TAFA1: variants seen among roughly 807,000 people sequenced by gnomAD.
TAFA1 encodes TAFA chemokine like family member 1.
A neutral mutation model predicts 18.5 loss-of-function variants in TAFA1; 4 were observed. The observed-to-expected ratio is 0.22, with a 90% CI of 0.11 to 0.49. TAFA1 has a LOEUF of 0.49. Ranked by LOEUF, TAFA1 falls within the 20% of genes least tolerant of loss-of-function variation. TAFA1 has a pLI of 0.98. For synonymous variants in TAFA1, 56 were observed against 55.2 expected (o/e 1.01, Z -0.06); for missense variants, 147 against 169.0 (o/e 0.87, Z 0.72).
chr3:68,193,439 G>A (rs2066373520), intron 2 of TAFA1, among the ~76,000 whole-genome samples: 1 of 151,736 alleles, frequency 6.6e-6, no homozygotes, highest in Non-Finnish European at 1.5e-5. Context: ...AACTGCCTTT[G>A]AAACTTAAAA....
chr3:68,298,009 A>T (rs2068240326), intron 2 of TAFA1, among the ~76,000 whole-genome samples: 1 of 152,204 alleles, frequency 6.6e-6, no homozygotes, highest in Admixed American at 6.5e-5. Context: ...ACACTTCAGA[A>T]GTAATATAAC....
intron 2 of TAFA1, among the ~76,000 whole-genome samples, chr3:68,240,969 G>C (rs1018592166): frequency 6.6e-5 from 10 of 152,106 alleles, no homozygotes; most frequent in Admixed American, 5.2e-4. Context: ...AGAAAGCTTT[G>C]AGATGATAAA....
chr3:68,386,002 G>T (rs2070094461), intron 2 of TAFA1, among the ~76,000 whole-genome samples: 1 of 152,032 alleles, frequency 6.6e-6, no homozygotes, highest in African/African-American at 2.4e-5. Context: ...CCATCCTACA[G>T]TGCTAAAAGT....
At chr3:68,362,135 C>A (rs891825366) in intron 2 of TAFA1, among the ~76,000 whole-genome samples, 10 of 151,914 alleles carry the variant, frequency 6.6e-5, no homozygotes, top group Admixed American at 3.9e-4. Context: ...ATAAACTATA[C>A]CTATGAATTT....
At chr3:68,303,992 C>A (rs1028971946) in intron 2 of TAFA1, among the ~76,000 whole-genome samples, 3 of 152,104 alleles carry the variant, frequency 2.0e-5, no homozygotes, top group Admixed American at 6.5e-5. Context: ...CAAAAGTAGA[C>A]ATTACATTAG....
At chr3:68,468,677 A>T (rs562882658) in intron 3 of TAFA1, among the ~76,000 whole-genome samples, 178 of 152,256 alleles carry the variant, frequency 1.2e-3, no homozygotes, top group African/African-American at 4.1e-3. Context: ...TTATCCATGG[A>T]TTTCAATTAC....
chr3:68,108,466 G>GTGTGTGCA (rs1559523037), intron 2 of TAFA1, among the ~76,000 whole-genome samples: 2 of 10,378 alleles, frequency 1.9e-4, no homozygotes, highest in African/African-American at 2.5e-4. Flanking sequence ...GTGTGTGCAT[G>GTGTGTGCA]TGTGTGTGTG....
rs1411673858 is a variant in TAFA1 at position 68,290,330 on chromosome 3, GT to G, written c.119-126948del. Among the ~76,000 whole-genome samples the G allele has an allele frequency of 5.9e-5, 9 of 152,064 alleles. No individual in the cohort carries two copies. The East Asian group carries it at 1.7e-3, about 29-fold the overall frequency. On this transcript the variant is annotated intron_variant, in intron 2 of 4. Transcript: ENST00000478136. ...AAACTATTATTCAATCTACTACCATGTTAACATGTAAAACACTACCCTTAAA... is the reference window on the plus strand; with the variant it reads ...AAACTATTATTCAATCTACTACCATGTAACATGTAAAACACTACCCTTAAA...
intron 3 of TAFA1, among the ~76,000 whole-genome samples, chr3:68,471,798 G>T (rs2072001903): frequency 2.0e-5 from 3 of 152,148 alleles, no homozygotes; most frequent in Admixed American, 2.0e-4. Flanking sequence ...ATCCTATCAA[G>T]TTGACATTCA....
chr3:68,295,418 A>T lies in TAFA1; in HGVS notation c.119-121862A>T, dbSNP rs201339446. Among the ~76,000 whole-genome samples, 5 of 104,412 alleles carry T rather than the reference A, an allele frequency of 4.8e-5. No individual in the cohort carries two copies. The South Asian group carries it at 1.8e-3, about 38-fold the overall frequency. The allele number at this position is 104,412 out of a possible 152,430, so 68.5% of individuals were successfully genotyped here. A position where few individuals can be genotyped will look rare whatever the true frequency, so the allele number is the denominator to read the frequency against. ...AGTTCTAAGACCTATTTTTTCAGTTAAAAAAAAAAGACTTTTTAAGTCTAT... is the reference window on the plus strand; with the variant it reads ...AGTTCTAAGACCTATTTTTTCAGTTTAAAAAAAAAGACTTTTTAAGTCTAT... On this transcript the variant is annotated intron_variant, in intron 2 of 4. Transcript: ENST00000478136.
At chr3:68,067,300 T>G (rs983856214) in intron 2 of TAFA1, among the ~76,000 whole-genome samples, 4 of 152,202 alleles carry the variant, frequency 2.6e-5, no homozygotes, top group Non-Finnish European at 4.4e-5. Flanking sequence ...CTTCTCCAGG[T>G]TAAACACTCC....
At chr3:68,528,534 G>A (rs1483668346) in intron 3 of TAFA1, among the ~76,000 whole-genome samples, 1 of 152,180 alleles carries the variant, frequency 6.6e-6, no homozygotes, top group African/African-American at 2.4e-5. Flanking sequence ...CACACTGGGA[G>A]TCACTACAGG....
At chr3:68,215,358 G>A (rs74481816) in intron 2 of TAFA1, among the ~76,000 whole-genome samples, 256 of 152,034 alleles carry the variant, frequency 1.7e-3, no homozygotes, top group Non-Finnish European at 2.8e-3. Context: ...TAATCTTCAC[G>A]TCCCAATTTT....
At chr3:68,440,044 C>A (rs2071344577) in intron 3 of TAFA1, among the ~76,000 whole-genome samples, 1 of 151,914 alleles carries the variant, frequency 6.6e-6, no homozygotes, top group Non-Finnish European at 1.5e-5. Context: ...GCTGTGTCCC[C>A]CCCCTCCAAA....
At chr3:68,258,420 G>A (rs894518944) in intron 2 of TAFA1, among the ~76,000 whole-genome samples, 10 of 152,152 alleles carry the variant, frequency 6.6e-5, no homozygotes, top group East Asian at 1.9e-4. Flanking sequence ...GTTGTTGACC[G>A]TATTGAGAAT....
In TAFA1 at chr3:68,213,698, A is replaced by G. The variant is rs141775173; in HGVS notation, c.119-203582A>G. Among the ~76,000 whole-genome samples the G allele has an allele frequency of 1.9e-3, 284 of 152,218 alleles. 1 individual carries two copies. The highest frequency in any genetic ancestry group is 4.4e-3 in the South Asian group (21 of 4,824). ...TTCCAAGTAATTTTATCAGTATATT[A>G]CAATAAATCACATGCCACATCTTTC... On this transcript the variant is annotated intron_variant, in intron 2 of 4. Coordinates refer to ENST00000478136, the MANE Select transcript of TAFA1 (RefSeq NM_213609.4).
intron 2 of TAFA1, among the ~76,000 whole-genome samples, chr3:68,136,306 T>G (rs1270277321): frequency 2.0e-5 from 3 of 152,152 alleles, no homozygotes; most frequent in Non-Finnish European, 4.4e-5. Context: ...CAAAGCATTG[T>G]CATTAGGGTT....
the TAFA1 span, among the ~76,000 whole-genome samples, chr3:67,992,104 T>G: frequency 1.3e-5 from 2 of 152,300 alleles, no homozygotes; most frequent in South Asian, 4.1e-4. Flanking sequence ...TGGACAGACA[T>G]TTTTAGAGAC....
chr3:68,113,725 T>G (rs6549003), intron 2 of TAFA1, among the ~76,000 whole-genome samples: 2 of 151,868 alleles, frequency 1.3e-5, no homozygotes, highest in African/African-American at 4.8e-5. Context: ...AATAGAAAAG[T>G]GGTTTGTAGA....
Sources: gnomAD v4.1 joint callset for allele counts (sites outside exome capture counted in the v4.1 genomes callset) on GRCh38, gnomAD v4.1.1 for gene constraint, MANE v1.5 for transcripts, NCBI Gene and HGNC (gene_info 2026-07-23, HGNC 2026-07-21) for gene names.